AKAP11: variants seen among roughly 807,000 people sequenced by gnomAD.
The protein encoded by AKAP11 is A-kinase anchoring protein 11, also known as A-kinase anchor protein 11.
A neutral mutation model predicts 146.1 loss-of-function variants in AKAP11; 36 were observed. The ratio of observed to expected loss-of-function variants is 0.25; its 90% CI spans 0.19 to 0.33. The LOEUF (loss-of-function observed/expected upper bound fraction) is 0.33, where lower values mean the gene tolerates loss of function less well. AKAP11 is among the 10% of genes least tolerant of loss of function. AKAP11 has a pLI of 1.00. For synonymous variants in AKAP11, 780 were observed against 786.5 expected (o/e 0.99, Z 0.14); for missense variants, 2,201 against 2,197.0 (o/e 1.00, Z -0.04).
chr13:42,291,828 T>A (rs1263310865), intron 3 of AKAP11, among the ~76,000 whole-genome samples: 1 of 152,240 alleles, frequency 6.6e-6, no homozygotes, highest in East Asian at 1.9e-4. Context: ...TTCCTTGTAC[T>A]TGTGACAAAC....
At chr13:42,317,782 A>C in intron 12 of AKAP11, 94 bp downstream of exon 12, 1 of 1,394,632 alleles carries the variant, frequency 7.2e-7, no homozygotes, top group East Asian at 2.4e-5. Context: ...GGTGATGGTT[A>C]AATTCTTAGG....
intron 9 of AKAP11, 36 bp from the exon 10 acceptor site, chr13:42,313,011 T>C (rs768937246): frequency 2.7e-5 from 43 of 1,564,900 alleles, no homozygotes; most frequent in Non-Finnish European, 3.7e-5. Context: ...ACTATTCATT[T>C]TCTAGTTCAG....
intron 1 of AKAP11, among the ~76,000 whole-genome samples, chr13:42,279,698 TC>T (rs1168517495): frequency 6.6e-6 from 1 of 152,210 alleles, no homozygotes; most frequent in Non-Finnish European, 1.5e-5. Flanking sequence ...TGCCTTTTTT[TC>T]TCTTGGTTAT....
rs373876270 is a variant in AKAP11, at chr13:42,302,530, G to T, written c.3784G>T (p.Asp1262Tyr). The change falls in exon 8 of 13, where the codon GAT (aspartate) becomes TAT (tyrosine). Residue 1262 changes from aspartate (D) to tyrosine (Y), a missense_variant. By Grantham distance (160) the Asp-to-Tyr change is radical (BLOSUM62 -3). Coordinates refer to ENST00000025301, the MANE Select transcript of AKAP11 (RefSeq NM_016248.4). ...GAAAACATTATGCAATTTTGCGGGT[G>T]ATCTGGCAGCAGAAGTCATTACAGA... ...NLKTLCNFAG[D>Y]LAAEVITEAE... is the part of the protein sequence containing the mutation. 404 of 1,614,010 alleles carry T rather than the reference G, an allele frequency of 2.5e-4. No homozygotes were observed. The highest frequency in any genetic ancestry group is 3.2e-4 in the Non-Finnish European group (378 of 1,180,030).
At chr13:42,283,872 A>G (rs1017304298) in intron 1 of AKAP11, among the ~76,000 whole-genome samples, 2 of 152,198 alleles carry the variant, frequency 1.3e-5, no homozygotes, top group Non-Finnish European at 2.9e-5. Context: ...AATGGCTGCC[A>G]TGGCGTCATT....
At position 42,319,515 on chromosome 13, in the gene AKAP11, G is replaced by T. The variant is rs966033620; in HGVS notation, c.*287G>T. On this transcript the variant is annotated 3_prime_UTR_variant, in exon 13 of 13. Transcript: ENST00000025301. ...AGGTCTAACCAGGGGGTTTTCAGGG[G>T]CATTGTCTGACCACATTCTTTTTGT... The T allele has an allele frequency of 9.2e-5, 25 of 271,668 alleles. No homozygotes were observed. The highest frequency in any genetic ancestry group is 2.7e-5 in the Non-Finnish European group (4 of 147,190). 16.8% of individuals were successfully genotyped at this position (271,668 alleles called of 1,614,324 possible).
chr13:42,295,632 C>T (rs1959467288), intron 4 of AKAP11, 63 bp from the exon 5 acceptor site: 7 of 1,474,524 alleles, frequency 4.7e-6, no homozygotes, highest in Non-Finnish European at 6.6e-6. Flanking sequence ...TTTGTCAGCT[C>T]TGTCACCAGC....
intron 1 of AKAP11, among the ~76,000 whole-genome samples, chr13:42,273,007 C>G (rs1188031289): frequency 1.3e-5 from 2 of 152,122 alleles, no homozygotes; most frequent in Non-Finnish European, 2.9e-5. Flanking sequence ...TCTTCTAAAA[C>G]CATATAAAGT....
rs2138624603 is a variant in AKAP11 at position 42,303,813 on chromosome 13, C to T, written c.5067C>T (p.Ala1689=). 1.9e-6 allele frequency: 3 copies of T among 1,606,212 alleles called. No individual in the cohort carries two copies. The highest frequency in any genetic ancestry group is 1.7e-4 in the Middle Eastern group (1 of 6,032). ...QEGASFAESL[A]TETMTAAVTN... Reference sequence around the variant, plus strand: ...GTGCCAGCTTTGCTGAAAGCCTTGCCACAGAAACCATGACAGCAGCTGTCA... The same window carrying T: ...GTGCCAGCTTTGCTGAAAGCCTTGCTACAGAAACCATGACAGCAGCTGTCA... Residue 1689 remains alanine, a synonymous_variant, in exon 8 of 13, where the codon GCC becomes GCT. Coordinates refer to ENST00000025301, the MANE Select transcript of AKAP11 (RefSeq NM_016248.4).
At chr13:42,313,005 T>C (rs963891124) in intron 9 of AKAP11, 42 bp from the exon 10 acceptor site, 14 of 1,542,018 alleles carry the variant, frequency 9.1e-6, no homozygotes, top group Non-Finnish European at 1.2e-5. Context: ...TTTTCTACTA[T>C]TCATTTTCTA....
chr13:42,278,625 G>C (rs1173597796), intron 1 of AKAP11, among the ~76,000 whole-genome samples: 1 of 151,996 alleles, frequency 6.6e-6, no homozygotes, highest in Non-Finnish European at 1.5e-5. Flanking sequence ...CAATATGTCT[G>C]TCTTAAACCC....
chr13:42,283,170 C>T (rs942108367), intron 1 of AKAP11, among the ~76,000 whole-genome samples: 1 of 152,082 alleles, frequency 6.6e-6, no homozygotes, highest in Non-Finnish European at 1.5e-5. Flanking sequence ...TTTTATGTTG[C>T]ACAGATATTC....
At chr13:42,273,428 T>C (rs1202341503) in intron 1 of AKAP11, among the ~76,000 whole-genome samples, 2 of 152,154 alleles carry the variant, frequency 1.3e-5, no homozygotes, top group Non-Finnish European at 2.9e-5. Flanking sequence ...TTCTTGTCGT[T>C]GTTCCTCCTG....
In AKAP11 at chr13:42,320,690, C is replaced by T. The variant is rs189471826; in HGVS notation, c.*1462C>T. 15 of 152,242 alleles carry T rather than the reference C, an allele frequency of 9.9e-5. No individual in the cohort carries two copies. The highest frequency in any genetic ancestry group is 3.4e-4 in the African/African-American group (14 of 41,504). 9.4% of individuals were successfully genotyped at this position (152,242 alleles called of 1,614,324 possible). A position where few individuals can be genotyped will look rare whatever the true frequency, so the allele number is the denominator to read the frequency against. On this transcript the variant is annotated 3_prime_UTR_variant, in exon 13 of 13. Transcript: ENST00000025301. ...TTTTTTTGGGGACTTTGATTTTGCT[C>T]CATTACGTTTTCATTTTTTCTGAGC...
rs377357204 is a variant in AKAP11, at chr13:42,318,854, C to T, written c.5566-234C>T. ...GAGGTTTGTGGAGCTCTGTCTCCAG[C>T]GATCCCAAAGTGTCATTCTCTGGAG... On this transcript the variant is annotated intron_variant, in intron 12 of 12. Transcript: ENST00000025301. Among the ~76,000 whole-genome samples the T allele has an allele frequency of 1.7e-4, 26 of 152,002 alleles. No individual in the cohort carries two copies. The East Asian group carries it at 4.4e-3, about 26-fold the overall frequency.
Position 42,320,820 on chromosome 13 carries a change from G to T in AKAP11, c.*1592G>T, listed in dbSNP as rs747782490. On this transcript the variant is annotated 3_prime_UTR_variant, in exon 13 of 13. Coordinates refer to ENST00000025301, the MANE Select transcript of AKAP11 (RefSeq NM_016248.4). ...ACATTAATGTGAATTAGTAATTGTGGTATAGAAATGTTTTATAGTGAAAGA... is the reference window on the plus strand; with the variant it reads ...ACATTAATGTGAATTAGTAATTGTGTTATAGAAATGTTTTATAGTGAAAGA... The T allele has an allele frequency of 6.6e-6, 1 of 152,280 alleles. No individual in the cohort carries two copies. The highest frequency in any genetic ancestry group is 2.4e-5 in the African/African-American group (1 of 41,416). 9.4% of individuals were successfully genotyped at this position (152,280 alleles called of 1,614,324 possible). A position where few individuals can be genotyped will look rare whatever the true frequency, so the allele number is the denominator to read the frequency against.
chr13:42,297,180 C>A lies in AKAP11; in HGVS notation c.349C>A (p.Gln117Lys). 1 of 1,439,078 alleles carries A rather than the reference C, an allele frequency of 6.9e-7. No individual in the cohort carries two copies. The highest frequency in any genetic ancestry group is 1.6e-5 in the South Asian group (1 of 64,114). The allele number at this position is 1,439,078 out of a possible 1,614,324, so 89.1% of individuals were successfully genotyped here. Residue 117 changes from glutamine to lysine, a missense_variant and splice_region_variant, in exon 6 of 13, where the codon CAG (glutamine) becomes AAG (lysine). This residue lies in a region of AKAP11 where 331 missense variants were observed against 347.4 expected (regional missense o/e 0.95). Transcript: ENST00000025301. ...AGATATAAGCAGTGATCCTCTAAAT[C>A]AGGTAACTTTTGTAGATAATTTCTA... ...PLDISSDPLNQSHPSGMLCVM... is the reference protein window; with the variant it reads ...PLDISSDPLNKSHPSGMLCVM...
chr13:42,300,024 C>G lies in AKAP11; in HGVS notation c.1278C>G (p.Asn426Lys). ...GTAAACCAGAATCTCCATATGGTAA[C>G]CTGTGTGATGCTCCGGATTCTCCTC... ...TPRKPESPYG[N>K]LCDAPDSPRP... The change falls in exon 8 of 13, where the codon AAC becomes AAG. Residue 426 changes from asparagine to lysine, a missense_variant. By Grantham distance (94) the Asn-to-Lys change is moderately conservative. Around this residue, in one of 3 missense-constraint regions of AKAP11, gnomAD observed 1,867 missense variants for 1,833.5 expected, o/e 1.02. Transcript: ENST00000025301. 1.2e-6 allele frequency: 2 copies of G among 1,613,948 alleles called. No homozygotes were observed. The highest frequency in any genetic ancestry group is 1.7e-6 in the Non-Finnish European group (2 of 1,179,850).
intron 11 of AKAP11, among the ~76,000 whole-genome samples, chr13:42,315,601 T>A (rs577728318): frequency 3.7e-4 from 57 of 152,334 alleles, no homozygotes; most frequent in Non-Finnish European, 6.0e-4. Flanking sequence ...AATGTAAATA[T>A]GAAATTTATC....
Sources: gnomAD v4.1 joint callset for allele counts (sites outside exome capture counted in the v4.1 genomes callset) on GRCh38, gnomAD v4.1.1 for gene constraint, gnomAD v4.1.1 regional missense constraint, MANE v1.5 for transcripts, NCBI Gene and HGNC (gene_info 2026-07-23, HGNC 2026-07-21) for gene names.